Variants in ZC3H12C observed in about 807,000 individuals in gnomAD.
ZC3H12C encodes zinc finger CCCH-type containing 12C, also known as probable ribonuclease ZC3H12C.
ZC3H12C carries 20 observed loss-of-function variants against 76.3 expected under a neutral mutation model. The ratio of observed to expected loss-of-function variants is 0.26; its 90% CI spans 0.18 to 0.38. ZC3H12C has a LOEUF of 0.38. Among genes scored for constraint, ZC3H12C ranks in the 10% least tolerant of loss-of-function variants. ZC3H12C has a pLI of 1.00. For synonymous variants in ZC3H12C, 352 were observed against 399.6 expected, an observed-to-expected ratio of 0.88 and a Z score of 1.42; for missense variants, 874 against 1,086.5, an observed-to-expected ratio of 0.80 and a Z score of 2.75.
intron 1 of ZC3H12C, among the ~76,000 whole-genome samples, chr11:110,117,375 T>G (rs1861544796): frequency 1.3e-5 from 2 of 152,138 alleles, no homozygotes; most frequent in African/African-American, 4.8e-5. Context: ...TTCTAAATTT[T>G]TTCTCTAAAT....
chr11:110,165,016 A>G lies in ZC3H12C; in HGVS notation c.1931A>G (p.Asn644Ser). ...CGSSDSYVGY[N>S]DRSYVSSPDP... Reference sequence around the variant, plus strand: ...AGCAGTGACTCCTACGTGGGTTACAATGACCGGTCCTATGTCAGCTCCCCC... The same window carrying G: ...AGCAGTGACTCCTACGTGGGTTACAGTGACCGGTCCTATGTCAGCTCCCCC... Residue 644 changes from asparagine (N) to serine (S), a missense_variant, in exon 6 of 6, where the codon AAT becomes AGT. Transcript: ENST00000278590. 1 of 1,614,016 alleles carries G rather than the reference A, an allele frequency of 6.2e-7. No homozygotes were observed. Among genetic ancestry groups the G allele is most frequent in the Non-Finnish European group, 8.5e-7 (1 of 1,179,900 alleles).
At chr11:110,094,182 C>T (rs973213631) in intron 1 of ZC3H12C, among the ~76,000 whole-genome samples, 2 of 152,180 alleles carry the variant, frequency 1.3e-5, no homozygotes, top group Admixed American at 1.3e-4. Context: ...GTCTGGGGTT[C>T]TTGCCATTTG....
intron 1 of ZC3H12C, among the ~76,000 whole-genome samples, chr11:110,093,836 C>T (rs1861061719): frequency 6.6e-6 from 1 of 151,976 alleles, no homozygotes; most frequent in Non-Finnish European, 1.5e-5. Context: ...GCGGCTCAGA[C>T]TCGCGCGCGC....
chr11:110,165,325 G>C lies in ZC3H12C; in HGVS notation c.2240G>C (p.Arg747Thr). Reference sequence around the variant, plus strand: ...CTAGGGAGGTCCTTGGTGGCCACGAGAATAGACAGCATCTCTGACTCTCGA... The same window carrying C: ...CTAGGGAGGTCCTTGGTGGCCACGACAATAGACAGCATCTCTGACTCTCGA... ...PHLGRSLVAT[R>T]IDSISDSRLY... is the part of the protein sequence containing the mutation. Residue 747 changes from arginine (R) to threonine (T), a missense_variant, in exon 6 of 6, where the codon AGA becomes ACA. Arg to Thr is a moderately conservative substitution (Grantham distance 71). This residue lies in a region of ZC3H12C where 395 missense variants were observed against 434.4 expected (regional missense o/e 0.91). Transcript: ENST00000278590. 3 of 1,614,006 alleles carry C rather than the reference G, an allele frequency of 1.9e-6. No individual in the cohort carries two copies. The highest frequency in any genetic ancestry group is 2.5e-6 in the Non-Finnish European group (3 of 1,179,894).
rs1012470820 is a variant in ZC3H12C, at chr11:110,158,383, G to A, written c.914-873G>A. ...AAATTAGCCAGGCGTGGTGACAGGCGCCTGTAATCCCAGCTACTCAGAAGG... is the reference window on the plus strand; with the variant it reads ...AAATTAGCCAGGCGTGGTGACAGGCACCTGTAATCCCAGCTACTCAGAAGG... On this transcript the variant is annotated intron_variant, in intron 3 of 5. Coordinates refer to ENST00000278590, the MANE Select transcript of ZC3H12C (RefSeq NM_033390.2). Among the ~76,000 whole-genome samples the A allele has an allele frequency of 9.2e-5, 14 of 152,010 alleles. No individual in the cohort carries two copies. The East Asian group carries it at 9.7e-4, about 11-fold the overall frequency.
chr11:110,107,399 C>G (rs1861349776), intron 1 of ZC3H12C, among the ~76,000 whole-genome samples: 1 of 151,594 alleles, frequency 6.6e-6, no homozygotes, highest in Non-Finnish European at 1.5e-5. Context: ...TTGTTTTTTT[C>G]TGAGACAGGA....
Position 110,136,788 on chromosome 11 carries a change from C to T in ZC3H12C, c.147C>T (p.Ser49=). The T allele has an allele frequency of 6.2e-7, 1 of 1,613,872 alleles. No individual in the cohort carries two copies. The highest frequency in any genetic ancestry group is 2.2e-5 in the East Asian group (1 of 44,872). ...GHDLGHLYVE[S]TDPQLSPAVP... ...ACCTCGGCCACCTTTATGTGGAGAGCACTGACCCACAGTTAAGTCCAGCTG... is the reference window on the plus strand; with the variant it reads ...ACCTCGGCCACCTTTATGTGGAGAGTACTGACCCACAGTTAAGTCCAGCTG... The change falls in exon 2 of 6, where the codon AGC becomes AGT. Residue 49 remains serine (S), a synonymous_variant. Coordinates refer to ENST00000278590, the MANE Select transcript of ZC3H12C (RefSeq NM_033390.2).
rs1330376329 is a variant in ZC3H12C at position 110,165,922 on chromosome 11, CTTTACA to C, written c.*190_*195del. 1 of 608,284 alleles carries C rather than the reference CTTTACA, an allele frequency of 1.6e-6. No individual in the cohort carries two copies. Among genetic ancestry groups the C allele is most frequent in the Non-Finnish European group, 2.7e-6 (1 of 376,906 alleles). 37.7% of individuals were successfully genotyped at this position (608,284 alleles called of 1,614,324 possible). A position where few individuals can be genotyped will look rare whatever the true frequency, so the allele number is the denominator to read the frequency against. ...ACATGGTGGAAGTATCACGGGATTG[CTTTACA>C]TTTAAACTTTTTTTTTTTAACATTT... On this transcript the variant is annotated 3_prime_UTR_variant, in exon 6 of 6. Coordinates refer to ENST00000278590, the MANE Select transcript of ZC3H12C (RefSeq NM_033390.2).
At chr11:110,139,958 G>A (rs1862040804) in intron 2 of ZC3H12C, among the ~76,000 whole-genome samples, 1 of 143,860 alleles carries the variant, frequency 7.0e-6, no homozygotes, top group South Asian at 2.2e-4. Context: ...TGAATCCAAT[G>A]CTTTCTAGAT....
At chr11:110,131,987 G>A (rs1861874939) in intron 1 of ZC3H12C, among the ~76,000 whole-genome samples, 1 of 152,162 alleles carries the variant, frequency 6.6e-6, no homozygotes, top group African/African-American at 2.4e-5. Context: ...GTTAGCTAGA[G>A]GGATGCAGAC....
chr11:110,143,308 A>T (rs550283410), intron 2 of ZC3H12C, among the ~76,000 whole-genome samples: 202 of 152,292 alleles, frequency 1.3e-3, no homozygotes, highest in African/African-American at 4.7e-3. Flanking sequence ...ATGTAAGAGA[A>T]TTTAACAATC....
intron 2 of ZC3H12C, among the ~76,000 whole-genome samples, chr11:110,149,599 G>A (rs941138920): frequency 6.6e-6 from 1 of 152,160 alleles, no homozygotes; most frequent in African/African-American, 2.4e-5. Context: ...AATCTGATGG[G>A]TGTGAAGTAG....
At chr11:110,115,060 T>C (rs1861500258) in intron 1 of ZC3H12C, among the ~76,000 whole-genome samples, 1 of 152,134 alleles carries the variant, frequency 6.6e-6, no homozygotes, top group Non-Finnish European at 1.5e-5. Context: ...CCATCTATAT[T>C]GTTAAACTGA....
In ZC3H12C at chr11:110,164,639, A is replaced by G. The variant is rs1862542736; in HGVS notation, c.1554A>G (p.Val518=). Residue 518 remains valine, a synonymous_variant, in exon 6 of 6, where the codon GTA becomes GTG. Coordinates refer to ENST00000278590, the MANE Select transcript of ZC3H12C (RefSeq NM_033390.2). The surrounding 1 kb of genome is among the most constrained non-coding windows in gnomAD (Gnocchi z 5.7). ...AAAACAAATTGGAAACCAGGTCTGT[A>G]CCTTCCTTAGTTAGCATCCCAGCTA... ...PTKNKLETRS[V]PSLVSIPATS... 1 of 1,613,884 alleles carries G rather than the reference A, an allele frequency of 6.2e-7. No homozygotes were observed. The highest frequency in any genetic ancestry group is 8.5e-7 in the Non-Finnish European group (1 of 1,179,902).
chr11:110,154,864 T>C (rs1862346854), intron 3 of ZC3H12C, among the ~76,000 whole-genome samples: 1 of 145,810 alleles, frequency 6.9e-6, no homozygotes, highest in Middle Eastern at 3.3e-3. Context: ...TTCTTTCCAG[T>C]ATATAAGCAT....
At chr11:110,113,589 A>G (rs1861473024) in intron 1 of ZC3H12C, among the ~76,000 whole-genome samples, 1 of 152,314 alleles carries the variant, frequency 6.6e-6, no homozygotes, top group East Asian at 1.9e-4. Flanking sequence ...TGTAGACTTC[A>G]TTAGACTGAG....
rs1192773983 is a variant in ZC3H12C at position 110,152,969 on chromosome 11, A to T, written c.824A>T (p.Asp275Val). 1 of 1,612,456 alleles carries T rather than the reference A, an allele frequency of 6.2e-7. No homozygotes were observed. Among genetic ancestry groups the T allele is most frequent in the South Asian group, 1.1e-5 (1 of 90,560 alleles). ...FSCRGIKLAV[D>V]WFLERGHKDI... ...TGCAGAGGAATAAAATTGGCAGTGG[A>T]TTGGTTTTTGGAAAGAGGCCACAAA... The change falls in exon 3 of 6, where the codon GAT (aspartate) becomes GTT (valine). Residue 275 changes from aspartate to valine, a missense_variant. Around this residue, in one of 3 missense-constraint regions of ZC3H12C, gnomAD observed 269 missense variants for 424.9 expected, o/e 0.63. Coordinates refer to ENST00000278590, the MANE Select transcript of ZC3H12C (RefSeq NM_033390.2).
chr11:110,166,134 G>C lies in ZC3H12C; in HGVS notation c.*397G>C. ...ATTGCAAGCAATTACAATACCTTCA[G>C]AATGTGGGACATTTGACTAGACCTA... On this transcript the variant is annotated 3_prime_UTR_variant, in exon 6 of 6. Coordinates refer to ENST00000278590, the MANE Select transcript of ZC3H12C (RefSeq NM_033390.2). 6.0e-6 allele frequency: 1 copy of C among 166,164 alleles called. No individual in the cohort carries two copies. Among genetic ancestry groups the C allele is most frequent in the South Asian group, 1.7e-4 (1 of 5,934 alleles). 10.3% of individuals were successfully genotyped at this position (166,164 alleles called of 1,614,324 possible).
chr11:110,170,544 T>A lies in ZC3H12C; in HGVS notation c.*4807T>A, dbSNP rs1862658843. 1 of 152,240 alleles carries A rather than the reference T, an allele frequency of 6.6e-6. No individual in the cohort carries two copies. Among genetic ancestry groups the A allele is most frequent in the South Asian group, 2.1e-4 (1 of 4,834 alleles). The allele number at this position is 152,240 out of a possible 1,614,324, so 9.4% of individuals were successfully genotyped here. A position where few individuals can be genotyped will look rare whatever the true frequency, so the allele number is the denominator to read the frequency against. ...AATTGTAGCTATAATGTGAGTGGCATGTTACAATGTAACTCTTTATGAGAA... is the reference window on the plus strand; with the variant it reads ...AATTGTAGCTATAATGTGAGTGGCAAGTTACAATGTAACTCTTTATGAGAA... On this transcript the variant is annotated 3_prime_UTR_variant, in exon 6 of 6. Coordinates refer to ENST00000278590, the MANE Select transcript of ZC3H12C (RefSeq NM_033390.2).
Sources: allele counts gnomAD v4.1 joint callset (sites outside exome capture counted in the v4.1 genomes callset), GRCh38; gene constraint gnomAD v4.1.1; regional missense constraint gnomAD v4.1.1; non-coding constraint Gnocchi (gnomAD v3.1); transcripts MANE v1.5; gene names NCBI Gene and HGNC (gene_info 2026-07-23, HGNC 2026-07-21).